Variants in SLC35D4 observed in about 807,000 individuals in gnomAD.
SLC35D4 encodes solute carrier family 35 member D4.
chr18:23,279,300 T>G, the SLC35D4 span, among the ~76,000 whole-genome samples: 1 of 152,234 alleles, frequency 6.6e-6, no homozygotes, highest in African/African-American at 2.4e-5. Context: ...CCCCAACATC[T>G]CCCCCATCAA....
At chr18:23,271,067 A>G in the SLC35D4 span, among the ~76,000 whole-genome samples, 8 of 152,318 alleles carry the variant, frequency 5.3e-5, no homozygotes, top group Admixed American at 1.3e-4. Flanking sequence ...ATCCCCACAT[A>G]TCACAGGAGA....
the SLC35D4 span, among the ~76,000 whole-genome samples, chr18:23,405,186 G>GTTTA: frequency 1.2e-3 from 176 of 151,762 alleles, no homozygotes; most frequent in African/African-American, 3.9e-3. Context: ...AATTTCTGTT[G>GTTTA]TTTATTTATT....
chr18:23,249,469 G>A, the SLC35D4 span, among the ~76,000 whole-genome samples: 2 of 152,170 alleles, frequency 1.3e-5, no homozygotes, highest in Non-Finnish European at 2.9e-5. Context: ...GAAATCAGCT[G>A]GAAAACTTGT....
At chr18:23,287,073 T>C in the SLC35D4 span, among the ~76,000 whole-genome samples, 3 of 151,562 alleles carry the variant, frequency 2.0e-5, no homozygotes, top group Non-Finnish European at 4.4e-5. Flanking sequence ...TTTGAAAGGA[T>C]TAAAGCCTGT....
At chr18:23,436,033 C>CT in the SLC35D4 span, among the ~76,000 whole-genome samples, 76 of 96,228 alleles carry the variant, frequency 7.9e-4, no homozygotes, top group South Asian at 1.4e-3. Flanking sequence ...AACACTTTCT[C>CT]TTTTTTTTTT....
chr18:23,307,626 G>A, the SLC35D4 span, among the ~76,000 whole-genome samples: 1 of 152,246 alleles, frequency 6.6e-6, no homozygotes, highest in South Asian at 2.1e-4. Flanking sequence ...AGGCCTGAGC[G>A]GAGGGCGAGC....
At chr18:23,418,355 T>G in the SLC35D4 span, among the ~76,000 whole-genome samples, 1 of 144,346 alleles carries the variant, frequency 6.9e-6, no homozygotes, top group Non-Finnish European at 1.5e-5. Flanking sequence ...CCAAAATTAT[T>G]ATTATTATTA....
At chr18:23,417,893 A>G in the SLC35D4 span, among the ~76,000 whole-genome samples, 2 of 152,170 alleles carry the variant, frequency 1.3e-5, no homozygotes, top group Non-Finnish European at 2.9e-5. Flanking sequence ...GTGACAGCCA[A>G]TTCCCTCATT....
chr18:23,290,999 G>A, the SLC35D4 span, among the ~76,000 whole-genome samples: 3 of 151,934 alleles, frequency 2.0e-5, no homozygotes, highest in Non-Finnish European at 2.9e-5. Flanking sequence ...GTTCCAGGAG[G>A]GCTCATCTCA....
the SLC35D4 span, among the ~76,000 whole-genome samples, chr18:23,272,432 C>T: frequency 6.6e-6 from 1 of 152,030 alleles, no homozygotes; most frequent in Non-Finnish European, 1.5e-5. Flanking sequence ...GCAACAGAGC[C>T]AGACCCCATC....
chr18:23,255,404 A>G, the SLC35D4 span, among the ~76,000 whole-genome samples: 1 of 152,206 alleles, frequency 6.6e-6, no homozygotes, highest in African/African-American at 2.4e-5. Context: ...CCAATTGAAA[A>G]GAGTATTTTT....
chr18:23,265,238 A>C, the SLC35D4 span, among the ~76,000 whole-genome samples: 2 of 152,114 alleles, frequency 1.3e-5, no homozygotes, highest in Admixed American at 6.5e-5. Flanking sequence ...GCAGGAGGAG[A>C]ACGGGAACTG....
the SLC35D4 span, among the ~76,000 whole-genome samples, chr18:23,281,828 G>C: frequency 6.6e-6 from 1 of 152,184 alleles, no homozygotes; most frequent in Non-Finnish European, 1.5e-5. Context: ...GGCTGCTTTG[G>C]CCAGGTGGCA....
the SLC35D4 span, among the ~76,000 whole-genome samples, chr18:23,374,488 T>TC: frequency 0.02 from 2,935 of 149,692 alleles, 108 homozygotes; most frequent in East Asian, 0.15. Flanking sequence ...ATGACATCTT[T>TC]TTTTTTTTTT....
chr18:23,426,856 T>C, the SLC35D4 span, among the ~76,000 whole-genome samples: 16 of 152,042 alleles, frequency 1.1e-4, no homozygotes, highest in Admixed American at 1.0e-3. Flanking sequence ...CCCCCAGAAA[T>C]AATACCACAC....
At chr18:23,370,885 G>A in the SLC35D4 span, among the ~76,000 whole-genome samples, 1 of 152,042 alleles carries the variant, frequency 6.6e-6, no homozygotes, top group South Asian at 2.1e-4. Context: ...ACGAAAAAGA[G>A]GAAAGTATAT....
At chr18:23,345,481 CAAAAAAAAAA>C in the SLC35D4 span, among the ~76,000 whole-genome samples, 14 of 57,248 alleles carry the variant, frequency 2.4e-4, no homozygotes, top group Admixed American at 9.8e-4. Context: ...GACTCCATCT[CAAAAAAAAAA>C]AAAAAAAAAA....
chr18:23,285,012 TCAGA>T, the SLC35D4 span, among the ~76,000 whole-genome samples: 1 of 152,346 alleles, frequency 6.6e-6, no homozygotes, highest in Middle Eastern at 3.4e-3. Flanking sequence ...ACTGATACTG[TCAGA>T]CCTCTGAGCC....
chr18:23,380,101 A>C, the SLC35D4 span, among the ~76,000 whole-genome samples: 17 of 151,886 alleles, frequency 1.1e-4, no homozygotes, highest in African/African-American at 4.1e-4. Context: ...TCTCAAAAAC[A>C]AAACAAAAAA....
Sources: allele counts gnomAD v4.1 joint callset (sites outside exome capture counted in the v4.1 genomes callset), GRCh38; gene constraint gnomAD v4.1.1; transcripts MANE v1.5; gene names NCBI Gene and HGNC (gene_info 2026-07-23, HGNC 2026-07-21).